CDCA2: variants seen among roughly 807,000 people sequenced by gnomAD.
The protein encoded by CDCA2 is cell division cycle associated 2.
Under a neutral mutation model 67.0 loss-of-function variants are expected in CDCA2, and 44 were observed. The ratio of observed to expected loss-of-function variants is 0.66; its 90% confidence interval spans 0.52 to 0.84. The LOEUF (loss-of-function observed/expected upper bound fraction) is 0.84. CDCA2 is among the 40% of genes least tolerant of loss of function. CDCA2 has a pLI of 0.00. For synonymous variants in CDCA2, 447 were observed against 418.7 expected, an observed-to-expected ratio of 1.07 and a Z score of -0.82; for missense variants, 1,253 against 1,203.2, an observed-to-expected ratio of 1.04 and a Z score of -0.61.
In CDCA2 at chr8:25,483,391, C is replaced by A. The variant is rs757930874; in HGVS notation, c.1033-8C>A. Reference sequence around the variant, plus strand: ...GTAAAATTATTCATTAATGTTTATTCTGTTTAGGAACACTGTAACAACCTC... The same window carrying A: ...GTAAAATTATTCATTAATGTTTATTATGTTTAGGAACACTGTAACAACCTC... On this transcript the variant is annotated splice_region_variant and splice_polypyrimidine_tract_variant and intron_variant, in intron 8 of 14. Transcript: ENST00000330560. 8 of 1,539,496 alleles carry A rather than the reference C, an allele frequency of 5.2e-6. No individual in the cohort carries two copies. In the Admixed American group the frequency reaches 1.6e-4, roughly 30 times the overall value.
At chr8:25,498,949 C>G (rs1335666462) in intron 13 of CDCA2, among the ~76,000 whole-genome samples, 1 of 152,120 alleles carries the variant, frequency 6.6e-6, no homozygotes, top group Non-Finnish European at 1.5e-5. Context: ...GAACCTTTAA[C>G]TCTTCAAGAC....
Position 25,462,180 on chromosome 8 carries a change from C to A in CDCA2, c.359C>A (p.Ser120Tyr). The stretch of plus-strand genomic sequence containing the variant: ...CAAAATATAAAGAATGCTAGGAAAT[C>A]TCCTTTGGCACAAGATTCTCCTTCC... ...RQQNIKNARK[S>Y]PLAQDSPSQG... is the part of the protein sequence containing the mutation. The change falls in exon 4 of 15, where the codon TCT becomes TAT. Residue 120 changes from serine (S) to tyrosine (Y), a missense_variant. Physicochemically the swap from Ser to Tyr is moderately radical, Grantham distance 144. Transcript: ENST00000330560. 1 of 1,614,166 alleles carries A rather than the reference C, an allele frequency of 6.2e-7. No individual in the cohort carries two copies. Among genetic ancestry groups the A allele is most frequent in the South Asian group, 1.1e-5 (1 of 91,086 alleles).
intron 13 of CDCA2, among the ~76,000 whole-genome samples, chr8:25,499,556 G>A (rs542183954): frequency 4.0e-5 from 6 of 151,788 alleles, no homozygotes; most frequent in East Asian, 1.9e-4. Flanking sequence ...CACCCACCTC[G>A]GCCTCCCAAA....
intron 9 of CDCA2, 113 bp downstream of exon 9, chr8:25,483,599 A>C (rs925076879): frequency 2.3e-5 from 16 of 707,322 alleles, no homozygotes; most frequent in Non-Finnish European, 3.7e-5. Flanking sequence ...CTTCTGAAAT[A>C]ACACGTGAAT....
At chr8:25,504,326 T>C (rs539223947) in intron 14 of CDCA2, among the ~76,000 whole-genome samples, 1 of 151,384 alleles carries the variant, frequency 6.6e-6, no homozygotes, top group South Asian at 2.1e-4. Context: ...GAGATGGGTG[T>C]CCCTGAGTTG....
At chr8:25,466,785 G>GTAAA (rs1802917854) in intron 5 of CDCA2, among the ~76,000 whole-genome samples, 1 of 152,112 alleles carries the variant, frequency 6.6e-6, no homozygotes, top group South Asian at 2.1e-4. Flanking sequence ...GCTCATGCCT[G>GTAAA]TAATTCCAGC....
intron 7 of CDCA2, among the ~76,000 whole-genome samples, chr8:25,471,385 CAG>C (rs1227642927): frequency 3.0e-5 from 3 of 99,874 alleles, no homozygotes; most frequent in African/African-American, 1.1e-4. Context: ...ATTTTTGAGA[CAG>C]AGTCTCGCTC....
Position 25,507,487 on chromosome 8 carries a change from A to G in CDCA2, c.2821A>G (p.Thr941Ala), listed in dbSNP as rs1298526499. 6.2e-7 allele frequency: 1 copy of G among 1,613,708 alleles called. No homozygotes were observed. The stretch of plus-strand genomic sequence containing the variant: ...TGAAAGTATGTCTCCCATAAAAGAA[A>G]CTGTGTCCTCCAGACAAAAACCGCA... ...GFESMSPIKE[T>A]VSSRQKPQMA... The change falls in exon 15 of 15, where the codon ACT becomes GCT. Residue 941 changes from threonine (T) to alanine (A), a missense_variant. By Grantham distance (58) the Thr-to-Ala change is moderately conservative (BLOSUM62 0). Transcript: ENST00000330560.
intron 7 of CDCA2, among the ~76,000 whole-genome samples, chr8:25,475,672 G>C (rs1422613605): frequency 6.6e-6 from 1 of 152,152 alleles, no homozygotes; most frequent in African/African-American, 2.4e-5. Context: ...GAGCACCCAG[G>C]CTGTGTGGGG....
chr8:25,460,446 C>T lies in CDCA2; in HGVS notation c.124C>T (p.Pro42Ser). 1.2e-6 allele frequency: 2 copies of T among 1,614,150 alleles called. No individual in the cohort carries two copies. Among genetic ancestry groups the T allele is most frequent in the Non-Finnish European group, 1.7e-6 (2 of 1,180,030 alleles). The change falls in exon 3 of 15, where the codon CCT (proline) becomes TCT (serine). Residue 42 changes from proline to serine, a missense_variant. Pro to Ser is a moderately conservative substitution (Grantham distance 74). Transcript: ENST00000330560. ...IVTPQKHAEL[P>S]PNPCTPDTFK... is the part of the protein sequence containing the mutation. ...GACTCCTCAGAAGCATGCCGAATTACCTCCTAATCCTTGCACACCAGATAC... is the reference window on the plus strand; with the variant it reads ...GACTCCTCAGAAGCATGCCGAATTATCTCCTAATCCTTGCACACCAGATAC...
chr8:25,489,283 G>A (rs982312764), intron 13 of CDCA2, among the ~76,000 whole-genome samples: 12 of 152,080 alleles, frequency 7.9e-5, no homozygotes, highest in Non-Finnish European at 1.2e-4. Context: ...GTTACTGCCC[G>A]TGTAGCAGTG....
chr8:25,489,413 G>A (rs1223748096), intron 13 of CDCA2, among the ~76,000 whole-genome samples: 1 of 152,100 alleles, frequency 6.6e-6, no homozygotes, highest in Non-Finnish European at 1.5e-5. Context: ...TCTTCATCCT[G>A]AACTGAGTGA....
At chr8:25,479,000 C>T (rs913777706) in intron 7 of CDCA2, among the ~76,000 whole-genome samples, 3 of 151,754 alleles carry the variant, frequency 2.0e-5, no homozygotes, top group African/African-American at 7.3e-5. Context: ...CACCTAGTTT[C>T]CCGCAGTAGT....
intron 7 of CDCA2, among the ~76,000 whole-genome samples, chr8:25,476,581 C>T (rs574648899): frequency 2.0e-4 from 30 of 150,498 alleles, no homozygotes; most frequent in African/African-American, 7.4e-4. Context: ...GAGATGGAGT[C>T]TCACTCTGCC....
intron 10 of CDCA2, among the ~76,000 whole-genome samples, chr8:25,485,290 A>G (rs930567912): frequency 6.6e-6 from 1 of 151,754 alleles, no homozygotes; most frequent in Admixed American, 6.6e-5. Flanking sequence ...TAATAAAAGA[A>G]TTTCTTCAAA....
intron 10 of CDCA2, 100 bp downstream of exon 10, chr8:25,484,310 A>G: frequency 7.1e-7 from 1 of 1,408,702 alleles, no homozygotes; most frequent in South Asian, 1.4e-5. Flanking sequence ...AATGAGATAG[A>G]CTAAATGATA....
chr8:25,463,957 C>G (rs1057169826), intron 4 of CDCA2, among the ~76,000 whole-genome samples: 1 of 152,204 alleles, frequency 6.6e-6, no homozygotes, highest in Non-Finnish European at 1.5e-5. Context: ...ACCTCTTTCT[C>G]ATTGTTTTGG....
intron 13 of CDCA2, among the ~76,000 whole-genome samples, chr8:25,492,356 A>G (rs1257053062): frequency 1.3e-5 from 2 of 152,206 alleles, no homozygotes; most frequent in East Asian, 1.9e-4. Flanking sequence ...CAAGAGCGCA[A>G]TCAAAGGGAA....
At chr8:25,473,219 G>A (rs182849352) in intron 7 of CDCA2, among the ~76,000 whole-genome samples, 1 of 152,262 alleles carries the variant, frequency 6.6e-6, no homozygotes, top group East Asian at 1.9e-4. Context: ...ATTCTGCTGT[G>A]TGTATATATA....
Sources: gnomAD v4.1 joint callset for allele counts (sites outside exome capture counted in the v4.1 genomes callset) on GRCh38, gnomAD v4.1.1 for gene constraint, MANE v1.5 for transcripts, NCBI Gene and HGNC (gene_info 2026-07-23, HGNC 2026-07-21) for gene names.